LSP1: variants seen among roughly 807,000 people sequenced by gnomAD.
LSP1 encodes the protein lymphocyte specific protein 1.
A neutral mutation model predicts 49.3 loss-of-function variants in LSP1; 32 were observed. That is an observed-to-expected ratio of 0.65 (90% CI 0.49 to 0.87). LSP1 has a LOEUF of 0.87. LSP1 is among the 40% of genes least tolerant of loss of function. The pLI is 0.00. For synonymous variants in LSP1, 179 were observed against 178.8 expected (o/e 1.00, Z -0.01); for missense variants, 428 against 442.6 (o/e 0.97, Z 0.30).
At chr11:1,868,166 A>G (rs1008305545) in intron 1 of LSP1, among the ~76,000 whole-genome samples, 1 of 152,158 alleles carries the variant, frequency 6.6e-6, no homozygotes, top group African/African-American at 2.4e-5. Context: ...CGTCACCCGG[A>G]CTCAGCCAGC....
intron 1 of LSP1, among the ~76,000 whole-genome samples, chr11:1,861,928 TGG>T (rs1847649188): frequency 6.6e-6 from 1 of 151,286 alleles, no homozygotes; most frequent in Non-Finnish European, 1.5e-5. Context: ...GATGGATGGA[TGG>T]ATTGATGAGT....
At chr11:1,872,802 G>A (rs1488031989) in intron 1 of LSP1, among the ~76,000 whole-genome samples, 1 of 152,128 alleles carries the variant, frequency 6.6e-6, no homozygotes, top group East Asian at 1.9e-4. Flanking sequence ...CTGGGCTGCA[G>A]TCACCCCGGC....
In LSP1 at chr11:1,878,226, C is replaced by A. The variant is rs1214842156; in HGVS notation, c.54-1861C>A. ...ACCCCTCCACCTCCTCAACACTCTGCCCCAGCCTGCGCCGCCCTCTGTGTG... is the reference window on the plus strand; with the variant it reads ...ACCCCTCCACCTCCTCAACACTCTGACCCAGCCTGCGCCGCCCTCTGTGTG... On this transcript the variant is annotated intron_variant, in intron 1 of 10. Coordinates refer to ENST00000311604, the MANE Select transcript of LSP1 (RefSeq NM_002339.3). Among the ~76,000 whole-genome samples, 47 of 152,000 alleles carry A rather than the reference C, an allele frequency of 3.1e-4. 1 individual carries two copies. Among genetic ancestry groups the A allele is most frequent in the Admixed American group, 3.1e-3 (47 of 15,284 alleles).
chr11:1,883,419 G>A lies in LSP1; in HGVS notation c.357G>A (p.Arg119=), dbSNP rs1181796749. ...GCTTTGCCTCCCTTTCCACCCACAG[G>A]CCCGGCCTGCATGCCTACGAAAAGG... is the stretch of plus-strand genomic sequence containing the variant. ...CRSPEGEQED[R]PGLHAYEKED... The change falls in exon 4 of 11, where the codon AGG becomes AGA. Residue 119 remains arginine, a splice_region_variant and synonymous_variant. Transcript: ENST00000311604. 1.2e-6 allele frequency: 2 copies of A among 1,613,996 alleles called. No homozygotes were observed. Among genetic ancestry groups the A allele is most frequent in the Non-Finnish European group, 1.7e-6 (2 of 1,179,968 alleles).
chr11:1,879,064 G>T lies in LSP1; in HGVS notation c.54-1023G>T, dbSNP rs192379843. 7.2e-5 allele frequency among the ~76,000 whole-genome samples: 11 copies of T among 152,286 alleles called. No homozygotes were observed. In the East Asian group the frequency reaches 2.1e-3, roughly 29 times the overall value. ...CCCCATTTTTGAAATGGCTCAATCG[G>T]CTGGGTGCGGTGGCTCATCCCTGTA... On this transcript the variant is annotated intron_variant, in intron 1 of 10. Transcript: ENST00000311604.
At chr11:1,887,985 G>C (rs1848827622) in intron 10 of LSP1, among the ~76,000 whole-genome samples, 1 of 152,148 alleles carries the variant, frequency 6.6e-6, no homozygotes, top group African/African-American at 2.4e-5. Flanking sequence ...AGAGGGGCAG[G>C]AACTTAGGTC....
intron 1 of LSP1, among the ~76,000 whole-genome samples, chr11:1,873,500 TGGAGGGAG>T (rs80276862): frequency 7.4e-5 from 7 of 94,784 alleles, no homozygotes; most frequent in Admixed American, 3.3e-4. Context: ...TAAGGAAAGA[TGGAGGGAG>T]GGAGGGAGGG....
intron 10 of LSP1, chr11:1,890,171 C>T: frequency 1.4e-6 from 1 of 717,088 alleles, no homozygotes; most frequent in East Asian, 2.7e-5. Context: ...GAATCCTGCG[C>T]TGGGTGAGGC....
At chr11:1,878,615 G>C (rs1848409782) in intron 1 of LSP1, among the ~76,000 whole-genome samples, 1 of 152,130 alleles carries the variant, frequency 6.6e-6, no homozygotes, top group African/African-American at 2.4e-5. Context: ...GGAGACCTAG[G>C]AGAGATTAGA....
intron 1 of LSP1, 185 bp from the exon 2 acceptor site, chr11:1,879,902 C>A: frequency 1.6e-6 from 1 of 617,502 alleles, no homozygotes; most frequent in Non-Finnish European, 2.7e-6. Context: ...CACCTCATGA[C>A]CACGTGGGCA....
At chr11:1,885,365 C>G (rs375231064) in intron 7 of LSP1, among the ~76,000 whole-genome samples, 56 of 152,252 alleles carry the variant, frequency 3.7e-4, no homozygotes, top group African/African-American at 1.3e-3. Flanking sequence ...ACCAATAGTC[C>G]TTCATCCACC....
At chr11:1,858,183 C>T (rs1267600092) in intron 1 of LSP1, among the ~76,000 whole-genome samples, 1 of 152,218 alleles carries the variant, frequency 6.6e-6, no homozygotes, top group African/African-American at 2.4e-5. Context: ...CCAAGGGCTG[C>T]TCCCTGCCTG....
In LSP1 at chr11:1,891,978, C is replaced by T. The variant is rs1398474423; in HGVS notation, c.*219C>T. The stretch of plus-strand genomic sequence containing the variant: ...CTGCCCTTCCACTCTCTGACCACCG[C>T]CCCCGCCCTCCCCACCCAGCTCCGC... On this transcript the variant is annotated 3_prime_UTR_variant, in exon 11 of 11. Transcript: ENST00000311604. 6.6e-6 allele frequency: 1 copy of T among 152,382 alleles called. No homozygotes were observed. Among genetic ancestry groups the T allele is most frequent in the Non-Finnish European group, 1.5e-5 (1 of 68,094 alleles). 9.4% of individuals were successfully genotyped at this position (152,382 alleles called of 1,614,324 possible).
At chr11:1,878,629 C>T (rs1848410346) in intron 1 of LSP1, among the ~76,000 whole-genome samples, 1 of 152,072 alleles carries the variant, frequency 6.6e-6, no homozygotes, top group South Asian at 2.1e-4. Flanking sequence ...GATTAGATCA[C>T]GCGCTGGCAG....
At chr11:1,855,456 C>G (rs557301252) in intron 1 of LSP1, among the ~76,000 whole-genome samples, 2 of 152,332 alleles carry the variant, frequency 1.3e-5, no homozygotes, top group East Asian at 3.9e-4. Context: ...GCCCCTCCAG[C>G]TGGACAAGTG....
chr11:1,854,791 C>T (rs1182967217), intron 1 of LSP1, among the ~76,000 whole-genome samples: 1 of 152,216 alleles, frequency 6.6e-6, no homozygotes, highest in East Asian at 1.9e-4. Flanking sequence ...CAGCCCTGGA[C>T]TAGGTGCTGC....
chr11:1,875,298 C>T (rs1848261440), intron 1 of LSP1, among the ~76,000 whole-genome samples: 1 of 152,190 alleles, frequency 6.6e-6, no homozygotes, highest in Non-Finnish European at 1.5e-5. Flanking sequence ...TCCAGGGAGC[C>T]TTCCAGACCT....
chr11:1,859,887 C>T (rs551628213), intron 1 of LSP1, among the ~76,000 whole-genome samples: 1 of 152,182 alleles, frequency 6.6e-6, no homozygotes, highest in Non-Finnish European at 1.5e-5. Flanking sequence ...AGGGATCACT[C>T]GGGAGCCAAT....
intron 1 of LSP1, chr11:1,869,347 A>G (rs1383333575): frequency 1.6e-5 from 5 of 308,190 alleles, no homozygotes; most frequent in Non-Finnish European, 3.2e-5. Context: ...AGTGACAGAG[A>G]AAAGAAAGAA....
Sources: allele counts gnomAD v4.1 joint callset (sites outside exome capture counted in the v4.1 genomes callset), GRCh38; gene constraint gnomAD v4.1.1; transcripts MANE v1.5; gene names NCBI Gene and HGNC (gene_info 2026-07-23, HGNC 2026-07-21).